TPTE2: variants seen among roughly 807,000 people sequenced by gnomAD.
TPTE2 encodes the protein phosphatidylinositol 3,4,5-trisphosphate 3-phosphatase TPTE2.
Under a neutral mutation model 78.6 loss-of-function variants are expected in TPTE2, and 53 were observed. That is an observed-to-expected ratio of 0.67 (90% CI 0.54 to 0.85). TPTE2 has a LOEUF of 0.85. Ranked by LOEUF, TPTE2 falls within the 40% of genes least tolerant of loss-of-function variation. The pLI is 0.00. For missense variants in TPTE2, 461 were observed against 623.0 expected, an observed-to-expected ratio of 0.74 and a Z score of 2.77; for synonymous variants, 175 against 206.2, an observed-to-expected ratio of 0.85 and a Z score of 1.30.
At chr13:19,441,128 C>T (rs1210851797) in intron 13 of TPTE2, among the ~76,000 whole-genome samples, 5 of 150,770 alleles carry the variant, frequency 3.3e-5, no homozygotes, top group Admixed American at 6.6e-5. Context: ...ATCACGGATG[C>T]AGCTGGAAGT....
chr13:19,429,758 G>C (rs1236434461), intron 17 of TPTE2, among the ~76,000 whole-genome samples: 2 of 152,108 alleles, frequency 1.3e-5, no homozygotes, highest in African/African-American at 4.8e-5. Flanking sequence ...GGCCTGGGTA[G>C]GAATTCTAAA....
chr13:19,495,234 G>A (rs1413872969), intron 1 of TPTE2, among the ~76,000 whole-genome samples: 2 of 152,150 alleles, frequency 1.3e-5, no homozygotes, highest in African/African-American at 4.8e-5. Flanking sequence ...TCCATCCCAT[G>A]TGAGGGTGGG....
intron 13 of TPTE2, 151 bp downstream of exon 16, chr13:19,449,925 T>C (rs1878068481): frequency 4.2e-6 from 3 of 710,246 alleles, no homozygotes; most frequent in Non-Finnish European, 6.8e-6. Context: ...CCTCTTTCCT[T>C]TCTCCTTCCC....
intron 1 of TPTE2, among the ~76,000 whole-genome samples, chr13:19,520,429 A>G (rs935872389): frequency 1.3e-5 from 2 of 151,910 alleles, no homozygotes; most frequent in African/African-American, 4.8e-5. Flanking sequence ...ATTATCTAAG[A>G]GTTTAGGTTT....
At chr13:19,551,730 G>C in the TPTE2 span, among the ~76,000 whole-genome samples, 1 of 151,746 alleles carries the variant, frequency 6.6e-6, no homozygotes, top group East Asian at 1.9e-4. Flanking sequence ...TGATATTTAA[G>C]CTTCTGTTCT....
chr13:19,483,793 T>A (rs553800240), intron 3 of TPTE2, among the ~76,000 whole-genome samples: 1 of 152,304 alleles, frequency 6.6e-6, no homozygotes, highest in South Asian at 2.1e-4. Flanking sequence ...TTCTTTTTTT[T>A]TATACTTTAA....
intron 1 of TPTE2, among the ~76,000 whole-genome samples, chr13:19,499,471 A>T (rs1417685034): frequency 7.1e-6 from 1 of 141,718 alleles, no homozygotes; most frequent in Non-Finnish European, 1.5e-5. Flanking sequence ...AGTGCAATCA[A>T]ACTAGAACTC....
intron 18 of TPTE2, 50 bp from the exon 22 acceptor site, chr13:19,425,067 T>C: frequency 2.2e-6 from 2 of 928,944 alleles, no homozygotes; most frequent in Non-Finnish European, 1.6e-6. Context: ...GAACTAATCA[T>C]TCCAAAGAAA....
At position 19,486,347 on chromosome 13, in the gene TPTE2, C is replaced by T. The variant is rs1566060830; in HGVS notation, c.120-3800G>A. On this transcript the variant is annotated intron_variant, in intron 3 of 19. Transcript: ENST00000400230. This position sits in a 1 kb window ranked among gnomAD's most constrained non-coding sequence, Gnocchi z 4.3. The stretch of plus-strand genomic sequence containing the variant: ...GAAGTTTGTGGTGATGGTGGTGCAG[C>T]CTTGCCAGGGGTGGGCTCACTGGGC... Among the ~76,000 whole-genome samples the T allele has an allele frequency of 6.6e-6, 1 of 152,150 alleles. No homozygotes were observed. The highest frequency in any genetic ancestry group is 1.5e-5 in the Non-Finnish European group (1 of 68,022).
intron 1 of TPTE2, among the ~76,000 whole-genome samples, chr13:19,513,263 T>C (rs937227984): frequency 1.3e-5 from 2 of 152,138 alleles, no homozygotes; most frequent in African/African-American, 2.4e-5. Flanking sequence ...CCACATGGAG[T>C]GGTGATATGA....
At position 19,464,497 on chromosome 13, in the gene TPTE2, G is replaced by A. The variant is rs1424169262; in HGVS notation, c.700C>T (p.Pro234Ser). ...TAGAAAGACTGCCTTCCAGAAGATG[G>A]AAATGACATAGCAATAATACGTTCT... is the stretch of plus-strand genomic sequence containing the variant. The change falls in exon 10 of 20, where the codon CCA becomes TCA. Residue 234 changes from proline to serine, a missense_variant. Coordinates refer to ENST00000400230, the Ensembl canonical transcript of TPTE2. 2.7e-5 allele frequency: 44 copies of A among 1,612,804 alleles called. 1 individual carries two copies. The highest frequency in any genetic ancestry group is 3.3e-5 in the Non-Finnish European group (39 of 1,179,222).
upstream of TPTE2, among the ~76,000 whole-genome samples, chr13:19,538,440 TCA>T (rs1481242905): frequency 2.6e-5 from 4 of 152,132 alleles, no homozygotes; most frequent in African/African-American, 9.7e-5. Flanking sequence ...CAGGATGGTC[TCA>T]GTCTCCTGAC....
chr13:19,477,351 A>T (rs1318946641), intron 4 of TPTE2, among the ~76,000 whole-genome samples: 3 of 152,002 alleles, frequency 2.0e-5, no homozygotes, highest in Non-Finnish European at 2.9e-5. Context: ...CCCCACGTGT[A>T]CCTCCAAACC....
intron 13 of TPTE2, among the ~76,000 whole-genome samples, chr13:19,448,051 A>G (rs918452124): frequency 2.0e-4 from 30 of 152,184 alleles, no homozygotes; most frequent in African/African-American, 6.5e-4. Flanking sequence ...GCTGATGTTC[A>G]ACAAAGGTGC....
chr13:19,433,251 C>A (rs1192941304), intron 15 of TPTE2, among the ~76,000 whole-genome samples: 3 of 152,086 alleles, frequency 2.0e-5, no homozygotes, highest in Non-Finnish European at 4.4e-5. Context: ...CGCCTGTAAT[C>A]CCAGCACTTT....
chr13:19,432,915 G>C (rs1876780192), intron 15 of TPTE2, among the ~76,000 whole-genome samples: 2 of 152,150 alleles, frequency 1.3e-5, no homozygotes, highest in Admixed American at 6.5e-5. Context: ...TTGTGACTGA[G>C]TTAGAGGAAG....
intron 5 of TPTE2, among the ~76,000 whole-genome samples, chr13:19,475,126 C>T (rs1345728682): frequency 2.6e-5 from 4 of 152,066 alleles, no homozygotes; most frequent in Admixed American, 2.6e-4. Context: ...AACTGATGGA[C>T]AGTGGAAATG....
intron 1 of TPTE2, among the ~76,000 whole-genome samples, chr13:19,523,960 G>A (rs972658991): frequency 6.6e-6 from 1 of 152,154 alleles, no homozygotes; most frequent in Non-Finnish European, 1.5e-5. Flanking sequence ...GCTGCCTGCG[G>A]TAGCAAATAG....
intron 4 of TPTE2, among the ~76,000 whole-genome samples, chr13:19,481,096 G>T (rs573011760): frequency 5.9e-5 from 9 of 152,302 alleles, no homozygotes; most frequent in South Asian, 2.1e-4. Context: ...AAAAGAATAA[G>T]TATGGTCTCA....
Sources: allele counts gnomAD v4.1 joint callset (sites outside exome capture counted in the v4.1 genomes callset), GRCh38; gene constraint gnomAD v4.1.1; non-coding constraint Gnocchi (gnomAD v3.1); transcripts MANE v1.5; gene names NCBI Gene and HGNC (gene_info 2026-07-23, HGNC 2026-07-21).